C21orf58: variants seen among roughly 807,000 people sequenced by gnomAD.
C21orf58 encodes the protein chromosome 21 open reading frame 58, also known as uncharacterized protein C21orf58.
Under a neutral mutation model 35.8 loss-of-function variants are expected in C21orf58, and 34 were observed. The ratio of observed to expected loss-of-function variants is 0.95; its 90% confidence interval spans 0.72 to 1.26. The LOEUF (loss-of-function observed/expected upper bound fraction) is 1.26. Among genes scored for constraint, C21orf58 ranks in the 50% most tolerant of loss-of-function variants. The pLI, the probability that C21orf58 is intolerant of heterozygous loss-of-function variation, is 0.00. For missense variants in C21orf58, 440 were observed against 414.3 expected (o/e 1.06, Z -0.54); for synonymous variants, 191 against 175.8 (o/e 1.09, Z -0.68).
chr21:46,303,677 TAC>T (rs142762284), intron 6 of C21orf58, among the ~76,000 whole-genome samples: 3,826 of 32,770 alleles, frequency 0.12, 496 homozygotes, highest in East Asian at 0.33. Flanking sequence ...ACCTCATCTC[TAC>T]ACACACACAC....
rs554806747 is a variant in C21orf58 at position 46,316,258 on chromosome 21, C to G, written c.371-711G>C. ...ATTACTTCAGGCCGGGAGTTTGAGA[C>G]GAGCCTGGCGAACATGGCAAAACCC... On this transcript the variant is annotated intron_variant, in intron 3 of 7. Transcript: ENST00000291691. Among the ~76,000 whole-genome samples, 3 of 152,146 alleles carry G rather than the reference C, an allele frequency of 2.0e-5. No homozygotes were observed. The South Asian group carries it at 6.2e-4, about 32-fold the overall frequency.
At chr21:46,320,402 C>T (rs2083114714) in intron 1 of C21orf58, among the ~76,000 whole-genome samples, 1 of 151,402 alleles carries the variant, frequency 6.6e-6, no homozygotes, top group Admixed American at 6.6e-5. Flanking sequence ...GCACCTGGCC[C>T]CTGATGCCTT....
chr21:46,318,096 T>G lies in C21orf58; in HGVS notation c.225A>C (p.Leu75=). The G allele has an allele frequency of 6.2e-7, 1 of 1,613,290 alleles. No individual in the cohort carries two copies. Residue 75 remains leucine, a synonymous_variant, in exon 2 of 8, where the codon CTA becomes CTC. Transcript: ENST00000291691. ...EGGGLWPPLP[L]QSSPAAPTML... ...TGGTGGGAGCTGCAGGAGACGACTGTAGGGGCAGGGGAGGCCACAGCCCAC... is the reference window on the plus strand; with the variant it reads ...TGGTGGGAGCTGCAGGAGACGACTGGAGGGGCAGGGGAGGCCACAGCCCAC...
At position 46,315,381 on chromosome 21, in the gene C21orf58, C is replaced by G. The variant is rs1166131856; in HGVS notation, c.444+93G>C. The G allele has an allele frequency of 3.6e-6, 3 of 830,248 alleles. No individual in the cohort carries two copies. The Admixed American group carries it at 5.3e-5, about 15-fold the overall frequency. The allele number at this position is 830,248 out of a possible 1,614,324, so 51.4% of individuals were successfully genotyped here. A position where few individuals can be genotyped will look rare whatever the true frequency, so the allele number is the denominator to read the frequency against. The stretch of plus-strand genomic sequence containing the variant: ...GGCCCTGAGAGTCTGGAAAGGTCTT[C>G]CCTAATACTCCCCGACCTGGTGCCT... On this transcript the variant is annotated intron_variant, in intron 4 of 7. Coordinates refer to ENST00000291691, the MANE Select transcript of C21orf58 (RefSeq NM_058180.5).
intron 1 of C21orf58, 182 bp downstream of exon 1, chr21:46,322,457 G>C (rs1008411741): frequency 3.0e-6 from 3 of 985,332 alleles, no homozygotes; most frequent in Non-Finnish European, 3.6e-6. Flanking sequence ...CGTAACAGTT[G>C]TGAGATTCAG....
intron 5 of C21orf58, 159 bp from the exon 6 acceptor site, chr21:46,311,726 T>C (rs552494134): frequency 1.9e-3 from 775 of 417,658 alleles, no homozygotes; most frequent in Admixed American, 3.3e-3. Flanking sequence ...CATCCACCCA[T>C]CCATCCAACC....
intron 1 of C21orf58, chr21:46,320,904 T>G (rs543897622): frequency 1.3e-5 from 2 of 152,312 alleles, no homozygotes; most frequent in African/African-American, 4.8e-5. Flanking sequence ...CTGACTGACT[T>G]AAGGAGAGAC....
chr21:46,302,597 G>C, intron 6 of C21orf58, 21 bp from the exon 7 acceptor site: 10 of 1,589,024 alleles, frequency 6.3e-6, no homozygotes, highest in Non-Finnish European at 7.7e-6. Context: ...GAAGCAGGGG[G>C]ACCCTGAATA....
intron 6 of C21orf58, among the ~76,000 whole-genome samples, chr21:46,310,068 C>T (rs769138448): frequency 6.6e-6 from 1 of 152,114 alleles, no homozygotes; most frequent in Non-Finnish European, 1.5e-5. Flanking sequence ...AGCTGCTCAG[C>T]AGTTGCATGG....
downstream of C21orf58, chr21:46,300,838 A>G (rs1179088891): frequency 8.3e-7 from 1 of 1,210,772 alleles, no homozygotes; most frequent in Non-Finnish European, 1.1e-6. Context: ...ACTTAAAAAT[A>G]TGTAAACAAC....
intron 6 of C21orf58, among the ~76,000 whole-genome samples, chr21:46,306,740 T>C (rs1428875608): frequency 6.6e-6 from 1 of 151,408 alleles, no homozygotes; most frequent in Admixed American, 6.6e-5. Flanking sequence ...GGCATGCACC[T>C]AACACTTGGC....
chr21:46,302,112 G>C lies in C21orf58; in HGVS notation c.856C>G (p.Pro286Ala). The C allele has an allele frequency of 6.6e-7, 1 of 1,525,644 alleles. No homozygotes were observed. The highest frequency in any genetic ancestry group is 8.8e-7 in the Non-Finnish European group (1 of 1,136,352). 94.5% of individuals were successfully genotyped at this position (1,525,644 alleles called of 1,614,324 possible). ...VPPRVPRAAR[P>A]RLPAVHHHHH... ...TGGTGGTGCACGGCAGGCAGCCTTG[G>C]CCTGGCAGCTCGTGGGACCCTCGGG... The change falls in exon 8 of 8, where the codon CCA becomes GCA. Residue 286 changes from proline to alanine, a missense_variant. Pro to Ala is a conservative substitution (Grantham distance 27). Coordinates refer to ENST00000291691, the MANE Select transcript of C21orf58 (RefSeq NM_058180.5).
downstream of C21orf58, chr21:46,300,770 A>AGG (rs1234867533): frequency 2.3e-6 from 3 of 1,289,468 alleles, no homozygotes; most frequent in African/African-American, 1.5e-5. Flanking sequence ...CCTTGTGCGG[A>AGG]ACTTCAGGAA....
chr21:46,312,433 C>T (rs2082773404), intron 5 of C21orf58, among the ~76,000 whole-genome samples: 1 of 152,172 alleles, frequency 6.6e-6, no homozygotes, highest in Admixed American at 6.5e-5. Flanking sequence ...ATTCTCATGC[C>T]TCAGCCTCCC....
intron 7 of C21orf58, 145 bp downstream of exon 7, chr21:46,302,340 C>T (rs181412773): frequency 1.3e-5 from 15 of 1,127,656 alleles, no homozygotes; most frequent in Middle Eastern, 3.0e-4. Flanking sequence ...GGCTGGGACT[C>T]GATGGGGATG....
In C21orf58 at chr21:46,314,062, G is replaced by A. The variant is rs1433571792; in HGVS notation, c.609+654C>T. Among the ~76,000 whole-genome samples, 9 of 151,992 alleles carry A rather than the reference G, an allele frequency of 5.9e-5. No individual in the cohort carries two copies. The East Asian group carries it at 1.3e-3, about 23-fold the overall frequency. On this transcript the variant is annotated intron_variant, in intron 5 of 7. Coordinates refer to ENST00000291691, the MANE Select transcript of C21orf58 (RefSeq NM_058180.5). ...ACAGCTGTAGGAAGCTCTCAGAAGT[G>A]GAGCACTATTTACCTTTAACATTCT...
At chr21:46,302,195 T>C in intron 7 of C21orf58, 41 bp from the exon 8 acceptor site, 1 of 1,437,326 alleles carries the variant, frequency 7.0e-7, no homozygotes, top group South Asian at 1.5e-5. Context: ...CAGCCCAGGC[T>C]GCTCCCCACC....
chr21:46,302,448 T>C lies in C21orf58; in HGVS notation c.813+37A>G, dbSNP rs369440025. Reference sequence around the variant, plus strand: ...AGAAGAAAAACCACCCAGGCCCTGTTTCCTTGGCCTAGGGTTCTGCTGGGG... The same window carrying C: ...AGAAGAAAAACCACCCAGGCCCTGTCTCCTTGGCCTAGGGTTCTGCTGGGG... On this transcript the variant is annotated intron_variant, in intron 7 of 7. Coordinates refer to ENST00000291691, the MANE Select transcript of C21orf58 (RefSeq NM_058180.5). 217 of 1,496,080 alleles carry C rather than the reference T, an allele frequency of 1.5e-4. 4 individuals are homozygous for C. The African/African-American group carries it at 2.8e-3, about 19-fold the overall frequency. 92.7% of individuals were successfully genotyped at this position (1,496,080 alleles called of 1,614,324 possible).
chr21:46,320,680 C>T (rs1483343325), intron 1 of C21orf58: 3 of 152,198 alleles, frequency 2.0e-5, no homozygotes, highest in Non-Finnish European at 4.4e-5. Context: ...ACCACCAGGT[C>T]AAAGTGGCCG....
Sources: gnomAD v4.1 joint callset for allele counts (sites outside exome capture counted in the v4.1 genomes callset) on GRCh38, gnomAD v4.1.1 for gene constraint, MANE v1.5 for transcripts, NCBI Gene and HGNC (gene_info 2026-07-23, HGNC 2026-07-21) for gene names.